Variants in VTI1A observed in about 807,000 individuals in gnomAD.
VTI1A encodes vesicle transport through interaction with t-SNAREs homolog 1A.
In VTI1A, 22 loss-of-function variants were observed where a neutral mutation model predicts 34.9. The ratio of observed to expected loss-of-function variants is 0.63; its 90% CI spans 0.45 to 0.90. The LOEUF is 0.90. Among genes scored for constraint, VTI1A ranks in the 40% least tolerant of loss-of-function variants. The pLI is 0.00. For missense variants in VTI1A, 268 were observed against 275.6 expected (o/e 0.97, Z 0.20); for synonymous variants, 87 against 97.3 (o/e 0.89, Z 0.62).
intron 7 of VTI1A, among the ~76,000 whole-genome samples, chr10:112,708,126 A>G (rs992283836): frequency 6.6e-6 from 1 of 152,212 alleles, no homozygotes; most frequent in Non-Finnish European, 1.5e-5. Context: ...ATTGCTTCTC[A>G]CTGGTATCAG....
At chr10:112,613,878 C>T (rs1384778183) in intron 5 of VTI1A, among the ~76,000 whole-genome samples, 2 of 152,198 alleles carry the variant, frequency 1.3e-5, no homozygotes, top group Admixed American at 6.5e-5. Context: ...GTCTGTCATG[C>T]GTCAGCCTCA....
intron 7 of VTI1A, among the ~76,000 whole-genome samples, chr10:112,727,520 C>A (rs542885886): frequency 1.3e-5 from 2 of 152,240 alleles, no homozygotes; most frequent in South Asian, 4.1e-4. Context: ...TCATTAACTT[C>A]ACTGAATATT....
At chr10:112,578,591 A>T (rs1843800586) in intron 5 of VTI1A, among the ~76,000 whole-genome samples, 1 of 152,196 alleles carries the variant, frequency 6.6e-6, no homozygotes, top group Admixed American at 6.5e-5. Context: ...AGTCATTTAA[A>T]TCTATATATT....
At chr10:112,560,240 G>A (rs1268498622) in intron 5 of VTI1A, among the ~76,000 whole-genome samples, 1 of 152,188 alleles carries the variant, frequency 6.6e-6, no homozygotes, top group Non-Finnish European at 1.5e-5. Context: ...GGTCTTTAGA[G>A]TACTTACTAG....
chr10:112,668,001 G>T (rs1435271869), intron 5 of VTI1A, among the ~76,000 whole-genome samples: 1 of 152,082 alleles, frequency 6.6e-6, no homozygotes, highest in Admixed American at 6.6e-5. Context: ...TTTCATGTTG[G>T]TTATGTTCTA....
chr10:112,838,817 T>TC, the VTI1A span, among the ~76,000 whole-genome samples: 1 of 152,202 alleles, frequency 6.6e-6, no homozygotes, highest in African/African-American at 2.4e-5. Flanking sequence ...ATCCTGCATC[T>TC]CCCTAGCTGG....
intron 7 of VTI1A, among the ~76,000 whole-genome samples, chr10:112,700,019 T>G (rs199800074): frequency 1.4e-5 from 2 of 144,540 alleles, no homozygotes; most frequent in Admixed American, 1.5e-4. Context: ...CTCGAGAGGC[T>G]GAGGCAGAGA....
At chr10:112,561,090 A>T (rs1851710911) in intron 5 of VTI1A, among the ~76,000 whole-genome samples, 1 of 152,152 alleles carries the variant, frequency 6.6e-6, no homozygotes, top group Non-Finnish European at 1.5e-5. Context: ...TTTTTAAAAA[A>T]AGAATATTGT....
intron 5 of VTI1A, among the ~76,000 whole-genome samples, chr10:112,547,241 GCCATTGTA>G (rs1309807857): frequency 1.3e-5 from 2 of 151,862 alleles, no homozygotes; most frequent in South Asian, 2.1e-4. Flanking sequence ...CGGTGATTGT[GCCATTGTA>G]CTCCAGCCCA....
chr10:112,773,886 G>A (rs190103033), intron 7 of VTI1A, among the ~76,000 whole-genome samples: 50 of 152,298 alleles, frequency 3.3e-4, no homozygotes, highest in African/African-American at 1.2e-3. Context: ...GGAGGTGTAG[G>A]AAGAGCTATG....
chr10:112,557,514 A>C (rs150934151), intron 5 of VTI1A, among the ~76,000 whole-genome samples: 33 of 152,314 alleles, frequency 2.2e-4, no homozygotes, highest in Middle Eastern at 3.4e-3. Flanking sequence ...TAGTCTGTAG[A>C]AATGTCATTT....
chr10:112,628,447 A>C (rs184646454), intron 5 of VTI1A, among the ~76,000 whole-genome samples: 2 of 152,220 alleles, frequency 1.3e-5, no homozygotes, highest in Non-Finnish European at 2.9e-5. Context: ...ATGTATAATA[A>C]TCATTTTATG....
At chr10:112,845,269 G>A in the VTI1A span, among the ~76,000 whole-genome samples, 1 of 152,206 alleles carries the variant, frequency 6.6e-6, no homozygotes, top group East Asian at 1.9e-4. Flanking sequence ...AGTTGGGGCA[G>A]GACGGCCAGG....
intron 7 of VTI1A, 84 bp downstream of exon 7, chr10:112,669,082 T>TA (rs1564875690): frequency 1.3e-6 from 2 of 1,504,356 alleles, no homozygotes; most frequent in East Asian, 4.6e-5. Context: ...TGGGGCATAT[T>TA]ACATGCTTTT....
At chr10:112,672,630 TG>T (rs1237178203) in intron 7 of VTI1A, 21 of 152,210 alleles carry the variant, frequency 1.4e-4, no homozygotes, top group African/African-American at 4.8e-4. Context: ...TTATTATAAT[TG>T]GCTGTCTTAA....
At chr10:112,775,924 A>T (rs1489038925) in intron 7 of VTI1A, among the ~76,000 whole-genome samples, 1 of 152,228 alleles carries the variant, frequency 6.6e-6, no homozygotes, top group Admixed American at 6.5e-5. Flanking sequence ...TTGAAAGAAT[A>T]AACAGTTCCT....
chr10:112,598,615 C>T (rs191458057), intron 5 of VTI1A, among the ~76,000 whole-genome samples: 1 of 152,296 alleles, frequency 6.6e-6, no homozygotes, highest in African/African-American at 2.4e-5. Context: ...CGTTCCCTAC[C>T]TTGGATGCAT....
chr10:112,678,229 T>C (rs1848097302), intron 7 of VTI1A, among the ~76,000 whole-genome samples: 1 of 152,206 alleles, frequency 6.6e-6, no homozygotes, highest in South Asian at 2.1e-4. Context: ...ATTTTCCTTT[T>C]TTCCCCTGGA....
intron 3 of VTI1A, among the ~76,000 whole-genome samples, chr10:112,475,070 C>T (rs796325061): frequency 4.6e-5 from 7 of 152,342 alleles, no homozygotes; most frequent in African/African-American, 1.7e-4. Flanking sequence ...TGACCCTTCT[C>T]ATCATGTACA....
Sources: gnomAD v4.1 joint callset for allele counts (sites outside exome capture counted in the v4.1 genomes callset) on GRCh38, gnomAD v4.1.1 for gene constraint, MANE v1.5 for transcripts, NCBI Gene and HGNC (gene_info 2026-07-23, HGNC 2026-07-21) for gene names.